YME1L1: variants seen among roughly 807,000 people sequenced by gnomAD.
The protein encoded by YME1L1 is YME1 like 1 ATPase, also known as ATP-dependent zinc metalloprotease YME1L1.
In YME1L1, 39 loss-of-function variants were observed where a neutral mutation model predicts 90.4. The observed-to-expected ratio is 0.43, with a 90% CI of 0.33 to 0.56. The LOEUF (loss-of-function observed/expected upper bound fraction) is 0.56, where lower values mean the gene tolerates loss of function less well. Among genes scored for constraint, YME1L1 ranks in the 20% least tolerant of loss-of-function variants. YME1L1 has a pLI of 0.03. For synonymous variants in YME1L1, 284 were observed against 287.3 expected (o/e 0.99, Z 0.12); for missense variants, 617 against 868.4 (o/e 0.71, Z 3.64).
chr10:27,132,545 G>A (rs2056987796), intron 7 of YME1L1, among the ~76,000 whole-genome samples: 1 of 151,952 alleles, frequency 6.6e-6, no homozygotes, highest in South Asian at 2.1e-4. Flanking sequence ...ATAAAGACTG[G>A]GCGTGGTGGC....
chr10:27,147,465 G>C, intron 2 of YME1L1: 1 of 1,614,192 alleles, frequency 6.2e-7, no homozygotes, highest in Non-Finnish European at 8.5e-7. Flanking sequence ...ACAAATCATA[G>C]ACAATAGGCA....
At position 27,145,300 on chromosome 10, in the gene YME1L1, A is replaced by C. The variant is rs74790732; in HGVS notation, c.331+128T>G. On this transcript the variant is annotated intron_variant, in intron 3 of 18. Transcript: ENST00000376016. ...AATATGAAAAATTGCAAAAAAAAAA[A>C]CAAAAAAAAAACACTTCAGGAAAGA... The C allele has an allele frequency of 0.08, 55,640 of 692,298 alleles. 2,499 individuals are homozygous for C. Among genetic ancestry groups the C allele is most frequent in the East Asian group, 0.39 (10,374 of 26,436 alleles). The allele number at this position is 692,298 out of a possible 1,614,324, so 42.9% of individuals were successfully genotyped here.
Position 27,123,397 on chromosome 10 carries a change from T to C in YME1L1, c.1102+150A>G, listed in dbSNP as rs569262397. On this transcript the variant is annotated intron_variant, in intron 10 of 18. Coordinates refer to ENST00000376016, the MANE Select transcript of YME1L1 (RefSeq NM_014263.4). ...GGTCCCACAATGGCTATTTTAACTA[T>C]CAATCAAAACTAATTAGCATGCAAA... is the stretch of plus-strand genomic sequence containing the variant. 90 of 849,140 alleles carry C rather than the reference T, an allele frequency of 1.1e-4. 2 individuals are homozygous for C. In the Middle Eastern group the frequency reaches 2.2e-3, roughly 21 times the overall value. The allele number at this position is 849,140 out of a possible 1,614,324, so 52.6% of individuals were successfully genotyped here. A position where few individuals can be genotyped will look rare whatever the true frequency, so the allele number is the denominator to read the frequency against.
chr10:27,139,653 T>C (rs902654480), intron 4 of YME1L1, among the ~76,000 whole-genome samples: 1 of 150,524 alleles, frequency 6.6e-6, no homozygotes, highest in Non-Finnish European at 1.5e-5. Context: ...AATACTGTCT[T>C]TTAAACTTCA....
In YME1L1 at chr10:27,142,444, A is replaced by G; in HGVS notation, c.373T>C (p.Tyr125His). 1 of 1,534,500 alleles carries G rather than the reference A, an allele frequency of 6.5e-7. No homozygotes were observed. The highest frequency in any genetic ancestry group is 1.3e-5 in the South Asian group (1 of 77,606). ...TGAAGAGCTCTTGAATGATGTCGAT[A>G]CAAGCAAGAGGAACGTAATGTACTA... Reference protein sequence around the residue: ...IFSTLRSSCLYRHHSRALQSI... With the variant: ...IFSTLRSSCLHRHHSRALQSI... The change falls in exon 4 of 19, where the codon TAT (tyrosine) becomes CAT (histidine). Residue 125 changes from tyrosine to histidine, a missense_variant. Tyr to His is a moderately conservative substitution (Grantham distance 83). Around this residue, in one of 4 missense-constraint regions of YME1L1, gnomAD observed 311 missense variants for 335.8 expected, o/e 0.93. Transcript: ENST00000376016.
intron 1 of YME1L1, among the ~76,000 whole-genome samples, chr10:27,149,447 C>T (rs963704423): frequency 6.6e-6 from 1 of 152,002 alleles, no homozygotes; most frequent in Non-Finnish European, 1.5e-5. Flanking sequence ...CAGTGGCTCA[C>T]GCCTGTAACC....
rs778509755 is a variant in YME1L1 at position 27,116,230 on chromosome 10, T to C, written c.1835A>G (p.His612Arg). Residue 612 changes from histidine to arginine, a missense_variant, in exon 16 of 19, where the codon CAT (histidine) becomes CGT (arginine). By Grantham distance (29) the His-to-Arg change is conservative (BLOSUM62 0). Around this residue, in one of 4 missense-constraint regions of YME1L1, gnomAD observed 212 missense variants for 330.0 expected, o/e 0.64. Coordinates refer to ENST00000376016, the MANE Select transcript of YME1L1 (RefSeq NM_014263.4). ...VAEELIFGTD[H>R]ITTGASSDFD... ...TCTTTAAAGCTAACCTGTTGTAATA[T>C]GGTCGGTTCCAAATATAAGCTCCTC... The C allele has an allele frequency of 1.2e-6, 2 of 1,614,190 alleles. No homozygotes were observed. Among genetic ancestry groups the C allele is most frequent in the Admixed American group, 1.7e-5 (1 of 60,012 alleles).
In YME1L1 at chr10:27,148,918, A is replaced by C; in HGVS notation, c.156T>G (p.Ala52=). Reference sequence around the variant, plus strand: ...GATAAAGACTTACCTCACTGCTGGGAGCCTCATGCTCAGGAACTACATCTC... The same window carrying C: ...GATAAAGACTTACCTCACTGCTGGGCGCCTCATGCTCAGGAACTACATCTC... ...QHRDVVPEHE[A]PSSEPSLNLR... Residue 52 remains alanine, a synonymous_variant, in exon 2 of 19, where the codon GCT becomes GCG. Coordinates refer to ENST00000376016, the MANE Select transcript of YME1L1 (RefSeq NM_014263.4). 6 of 1,613,924 alleles carry C rather than the reference A, an allele frequency of 3.7e-6. No homozygotes were observed. The highest frequency in any genetic ancestry group is 5.1e-6 in the Non-Finnish European group (6 of 1,179,974).
At chr10:27,125,442 T>A (rs1465442753) in intron 9 of YME1L1, among the ~76,000 whole-genome samples, 1 of 138,556 alleles carries the variant, frequency 7.2e-6, no homozygotes, top group Non-Finnish European at 1.5e-5. Context: ...TAAGGAATTG[T>A]TTCATTGTTT....
intron 4 of YME1L1, among the ~76,000 whole-genome samples, chr10:27,141,602 ACACACACACACACACAC>A (rs2057087766): frequency 8.6e-4 from 1 of 1,160 alleles, no homozygotes; most frequent in African/African-American, 4.8e-3. Flanking sequence ...ATGTCCCTCG[ACACACACACACACACAC>A]ACACACACAC....
At chr10:27,126,535 G>C (rs1407479552) in intron 9 of YME1L1, among the ~76,000 whole-genome samples, 161 bp downstream of exon 9, 2 of 151,850 alleles carry the variant, frequency 1.3e-5, no homozygotes, top group Non-Finnish European at 2.9e-5. Flanking sequence ...AAAAAAAAAG[G>C]CTATGGAATT....
intron 1 of YME1L1, among the ~76,000 whole-genome samples, chr10:27,150,551 C>T (rs1478269047): frequency 6.6e-6 from 1 of 152,174 alleles, no homozygotes; most frequent in Non-Finnish European, 1.5e-5. Flanking sequence ...GTAAGGAAGC[C>T]AGCCAAATCC....
intron 4 of YME1L1, among the ~76,000 whole-genome samples, chr10:27,139,765 C>T (rs1244190236): frequency 1.3e-5 from 2 of 152,184 alleles, no homozygotes; most frequent in African/African-American, 2.4e-5. Context: ...GTTACACATA[C>T]TACCTTGCAA....
chr10:27,152,046 T>C (rs1204856993), intron 1 of YME1L1, among the ~76,000 whole-genome samples: 3 of 152,124 alleles, frequency 2.0e-5, no homozygotes, highest in Non-Finnish European at 2.9e-5. Context: ...ATGGATTTGT[T>C]TTAAGGCTAG....
intron 12 of YME1L1, among the ~76,000 whole-genome samples, chr10:27,120,965 G>A (rs1314457137): frequency 2.6e-5 from 4 of 151,156 alleles, no homozygotes; most frequent in Non-Finnish European, 5.9e-5. Context: ...TTTTTTCATA[G>A]TAACTTTAAA....
At position 27,145,459 on chromosome 10, in the gene YME1L1, G is replaced by A. The variant is rs1298332285; in HGVS notation, c.300C>T (p.Val100=). 2 of 1,612,896 alleles carry A rather than the reference G, an allele frequency of 1.2e-6. No individual in the cohort carries two copies. Among genetic ancestry groups the A allele is most frequent in the East Asian group, 4.5e-5 (2 of 44,788 alleles). The change falls in exon 3 of 19, where the codon GTC becomes GTT. Residue 100 remains valine, a synonymous_variant. Coordinates refer to ENST00000376016, the MANE Select transcript of YME1L1 (RefSeq NM_014263.4). ...TATTTTCAAAGAAGGATTGTGCAGAGACATGGGATGTATGCCAATGGGAAG... is the reference window on the plus strand; with the variant it reads ...TATTTTCAAAGAAGGATTGTGCAGAAACATGGGATGTATGCCAATGGGAAG... ...NISSHWHTSH[V]SAQSFFENKY...
In YME1L1 at chr10:27,145,461, C is replaced by T. The variant is rs770078752; in HGVS notation, c.298G>A (p.Val100Ile). 35 of 1,613,078 alleles carry T rather than the reference C, an allele frequency of 2.2e-5. 1 individual carries two copies. The South Asian group carries it at 3.6e-4, about 17-fold the overall frequency. Residue 100 changes from valine to isoleucine, a missense_variant, in exon 3 of 19, where the codon GTC becomes ATC. Physicochemically the swap from Val to Ile is conservative, Grantham distance 29. Transcript: ENST00000376016. Reference sequence around the variant, plus strand: ...TTTTCAAAGAAGGATTGTGCAGAGACATGGGATGTATGCCAATGGGAAGAA... The same window carrying T: ...TTTTCAAAGAAGGATTGTGCAGAGATATGGGATGTATGCCAATGGGAAGAA... Reference protein sequence around the residue: ...NISSHWHTSHVSAQSFFENKY... With the variant: ...NISSHWHTSHISAQSFFENKY...
At position 27,110,258 on chromosome 10, in the gene YME1L1, A is replaced by C. The variant is rs2056746314; in HGVS notation, c.*1719T>G. ...CAGAACAGGTTTGGGGCAATAAAAAACGGGCAGAATGATAACAACTGGTAA... is the reference window on the plus strand; with the variant it reads ...CAGAACAGGTTTGGGGCAATAAAAACCGGGCAGAATGATAACAACTGGTAA... On this transcript the variant is annotated 3_prime_UTR_variant, in exon 19 of 19. Coordinates refer to ENST00000376016, the MANE Select transcript of YME1L1 (RefSeq NM_014263.4). The C allele has an allele frequency of 6.6e-6, 1 of 152,202 alleles. No homozygotes were observed. The highest frequency in any genetic ancestry group is 2.4e-5 in the African/African-American group (1 of 41,440). The allele number at this position is 152,202 out of a possible 1,614,324, so 9.4% of individuals were successfully genotyped here. A position where few individuals can be genotyped will look rare whatever the true frequency, so the allele number is the denominator to read the frequency against.
At chr10:27,134,738 T>C (rs2057009495) in intron 6 of YME1L1, 93 bp downstream of exon 6, 1 of 1,260,898 alleles carries the variant, frequency 7.9e-7, no homozygotes, top group African/African-American at 1.5e-5. Context: ...AATCAATAGA[T>C]GGTCTTAGAA....
Sources: gnomAD v4.1 joint callset for allele counts (sites outside exome capture counted in the v4.1 genomes callset) on GRCh38, gnomAD v4.1.1 for gene constraint, gnomAD v4.1.1 regional missense constraint, MANE v1.5 for transcripts, NCBI Gene and HGNC (gene_info 2026-07-23, HGNC 2026-07-21) for gene names.